SLC4A7: variants seen among roughly 807,000 people sequenced by gnomAD.
The protein encoded by SLC4A7 is sodium bicarbonate cotransporter 3.
SLC4A7 carries 51 observed loss-of-function variants against 137.6 expected under a neutral mutation model. That is an observed-to-expected ratio of 0.37 (90% CI 0.30 to 0.47). The LOEUF is 0.47. Ranked by LOEUF, SLC4A7 falls within the 20% of genes least tolerant of loss-of-function variation. The probability of loss-of-function intolerance (pLI) is 1.00; values close to 1 mark genes in which losing one functional copy is unlikely to be tolerated. For missense variants in SLC4A7, 1,247 were observed against 1,525.4 expected, an observed-to-expected ratio of 0.82 and a Z score of 3.04; for synonymous variants, 542 against 518.6, an observed-to-expected ratio of 1.05 and a Z score of -0.61.
intron 10 of SLC4A7, among the ~76,000 whole-genome samples, chr3:27,420,327 T>G (rs1215375017): frequency 6.6e-6 from 1 of 152,028 alleles, no homozygotes; most frequent in Non-Finnish European, 1.5e-5. Flanking sequence ...GTATGTAGGT[T>G]ATCGTCAAAG....
intron 5 of SLC4A7, among the ~76,000 whole-genome samples, chr3:27,434,763 T>A (rs1367886773): frequency 1.3e-5 from 2 of 151,932 alleles, no homozygotes; most frequent in African/African-American, 4.8e-5. Flanking sequence ...AAAATATATA[T>A]TAATAGTTTT....
chr3:27,410,965 G>C (rs961623568), intron 12 of SLC4A7, among the ~76,000 whole-genome samples: 2 of 151,930 alleles, frequency 1.3e-5, no homozygotes, highest in Non-Finnish European at 2.9e-5. Context: ...TTTACACAAA[G>C]ATTTAATATT....
At chr3:27,478,649 A>G (rs2059574489) in intron 1 of SLC4A7, among the ~76,000 whole-genome samples, 1 of 152,026 alleles carries the variant, frequency 6.6e-6, no homozygotes, top group Non-Finnish European at 1.5e-5. Context: ...AAATTAAAAC[A>G]TTTTAAAACA....
chr3:27,423,312 A>G (rs903779606), intron 8 of SLC4A7, among the ~76,000 whole-genome samples: 3 of 152,200 alleles, frequency 2.0e-5, no homozygotes, highest in Non-Finnish European at 4.4e-5. Context: ...AAATACCATG[A>G]GCATCTGGTA....
At chr3:27,451,177 T>C (rs112437020) in intron 2 of SLC4A7, among the ~76,000 whole-genome samples, 1,630 of 152,110 alleles carry the variant, frequency 0.011, 10 homozygotes, top group South Asian at 0.022. Context: ...AAAAAAGTCT[T>C]AGAATATAAA....
rs998473753 is a variant in SLC4A7 at position 27,464,020 on chromosome 3, T to C, written c.61-11522A>G. Among the ~76,000 whole-genome samples, 10 of 152,016 alleles carry C rather than the reference T, an allele frequency of 6.6e-5. No homozygotes were observed. The South Asian group carries it at 1.7e-3, about 25-fold the overall frequency. Reference sequence around the variant, plus strand: ...GGCAACATAGTGAAACCCTGGTCTCTACCAAAAACACGAAAATTAACCAGG... The same window carrying C: ...GGCAACATAGTGAAACCCTGGTCTCCACCAAAAACACGAAAATTAACCAGG... On this transcript the variant is annotated intron_variant, in intron 1 of 25. Transcript: ENST00000454389.
chr3:27,458,891 G>A (rs1303997959), intron 1 of SLC4A7, among the ~76,000 whole-genome samples: 1 of 152,242 alleles, frequency 6.6e-6, no homozygotes, highest in African/African-American at 2.4e-5. Flanking sequence ...TCTGGAGGCT[G>A]AGGAAAGAGA....
At chr3:27,455,665 G>T (rs1465827971) in intron 1 of SLC4A7, among the ~76,000 whole-genome samples, 2 of 150,782 alleles carry the variant, frequency 1.3e-5, no homozygotes, top group Non-Finnish European at 3.0e-5. Flanking sequence ...ATCACTTGAG[G>T]TCAGGAGTTC....
At chr3:27,415,559 G>A (rs143770581) in intron 11 of SLC4A7, among the ~76,000 whole-genome samples, 10 of 152,234 alleles carry the variant, frequency 6.6e-5, no homozygotes, top group Non-Finnish European at 1.0e-4. Flanking sequence ...TTAAAAACCC[G>A]TTCAGGGGAT....
intron 3 of SLC4A7, among the ~76,000 whole-genome samples, chr3:27,438,971 C>T (rs1384315525): frequency 1.3e-5 from 2 of 152,086 alleles, no homozygotes; most frequent in African/African-American, 4.8e-5. Flanking sequence ...TATAGGAACC[C>T]GAAACAGATG....
intron 1 of SLC4A7, among the ~76,000 whole-genome samples, chr3:27,466,649 G>A (rs951235959): frequency 5.3e-5 from 8 of 151,992 alleles, no homozygotes; most frequent in Non-Finnish European, 7.4e-5. Context: ...CCAATATGAC[G>A]GAGCCCCGTC....
In SLC4A7 at chr3:27,432,827, G is replaced by T. The variant is rs192136821; in HGVS notation, c.778+1089C>A. Among the ~76,000 whole-genome samples, 9 of 152,210 alleles carry T rather than the reference G, an allele frequency of 5.9e-5. No individual in the cohort carries two copies. In the East Asian group the frequency reaches 1.7e-3, roughly 29 times the overall value. On this transcript the variant is annotated intron_variant, in intron 6 of 25. Transcript: ENST00000454389. The stretch of plus-strand genomic sequence containing the variant: ...GTAAAGACTGAATAGGGTCCCTCTG[G>T]ATAAATGAACTTATTTCACCAAAGG...
chr3:27,390,229 TACAGG>T (rs1243025513), intron 21 of SLC4A7, 125 bp from the exon 22 acceptor site: 1 of 333,992 alleles, frequency 3.0e-6, no homozygotes, highest in African/African-American at 2.3e-5. Context: ...TTTCTGATAG[TACAGG>T]AGAATGTTAC....
intron 7 of SLC4A7, among the ~76,000 whole-genome samples, chr3:27,428,014 C>T (rs765408895): frequency 4.6e-5 from 7 of 152,070 alleles, no homozygotes; most frequent in Non-Finnish European, 8.8e-5. Flanking sequence ...TAAAACAAGA[C>T]ATGTTCATTG....
At chr3:27,465,474 T>TAAAA (rs10564000) in intron 1 of SLC4A7, among the ~76,000 whole-genome samples, 2 of 125,458 alleles carry the variant, frequency 1.6e-5, no homozygotes, top group Non-Finnish European at 1.7e-5. Context: ...GTAGGCACAG[T>TAAAA]AAAAAAAAAA....
At chr3:27,434,151 T>A (rs751472568) in intron 5 of SLC4A7, 47 bp from the exon 6 acceptor site, 3 of 1,381,082 alleles carry the variant, frequency 2.2e-6, no homozygotes. Context: ...CAGATGACCA[T>A]AATATAGGAA....
chr3:27,386,162 A>T (rs2050924159), intron 22 of SLC4A7, 139 bp from the exon 23 acceptor site: 1 of 562,044 alleles, frequency 1.8e-6, no homozygotes, highest in African/African-American at 2.0e-5. Flanking sequence ...TTTGTTTCAA[A>T]GGAATTGAGT....
At chr3:27,409,023 A>G (rs1349770743) in intron 13 of SLC4A7, among the ~76,000 whole-genome samples, 1 of 152,100 alleles carries the variant, frequency 6.6e-6, no homozygotes, top group African/African-American at 2.4e-5. Flanking sequence ...AACCCCCATG[A>G]CCCACCCAGA....
Position 27,484,070 on chromosome 3 carries a change from G to T in SLC4A7, c.57C>A (p.Ser19Arg). The T allele has an allele frequency of 7.1e-7, 1 of 1,409,368 alleles. No homozygotes were observed. Among genetic ancestry groups the T allele is most frequent in the South Asian group, 1.4e-5 (1 of 69,154 alleles). The allele number at this position is 1,409,368 out of a possible 1,614,324, so 87.3% of individuals were successfully genotyped here. A position where few individuals can be genotyped will look rare whatever the true frequency, so the allele number is the denominator to read the frequency against. The change falls in exon 1 of 26, where the codon AGC becomes AGA. Residue 19 changes from serine (S) to arginine (R), a missense_variant. This residue lies in a region of SLC4A7 where 176 missense variants were observed against 186.4 expected (regional missense o/e 0.94). Coordinates refer to ENST00000454389, the MANE Select transcript of SLC4A7 (RefSeq NM_001321103.2). ...CCCACCGCCGCGGCGCCCTCACCCT[G>T]CTCGTTACCCGGGTGAGTAGCGGTC... ...QMRPLLTRVTSRGPDEEAVVD... is the reference protein window; with the variant it reads ...QMRPLLTRVTRRGPDEEAVVD...
Sources: allele counts gnomAD v4.1 joint callset (sites outside exome capture counted in the v4.1 genomes callset), GRCh38; gene constraint gnomAD v4.1.1; regional missense constraint gnomAD v4.1.1; transcripts MANE v1.5; gene names NCBI Gene and HGNC (gene_info 2026-07-23, HGNC 2026-07-21).